The following SP140 variants were observed in gnomAD, a reference collection of about 807,000 sequenced individuals.
SP140 encodes SP140 nuclear body protein.
SP140 carries 81 observed loss-of-function variants against 125.0 expected under a neutral mutation model. The observed-to-expected ratio is 0.65, with a 90% CI of 0.54 to 0.78. SP140 has a LOEUF of 0.78. Among genes scored for constraint, SP140 ranks in the 30% least tolerant of loss-of-function variants. The probability of loss-of-function intolerance (pLI) is 0.00; values close to 1 mark genes in which losing one functional copy is unlikely to be tolerated. For missense variants in SP140, 858 were observed against 1,037.0 expected (o/e 0.83, Z 2.37); for synonymous variants, 312 against 354.0 (o/e 0.88, Z 1.33).
intron 1 of SP140, among the ~76,000 whole-genome samples, chr2:230,210,488 T>C (rs1026539457): frequency 6.6e-6 from 1 of 152,246 alleles, no homozygotes; most frequent in African/African-American, 2.4e-5. Flanking sequence ...TTGACGTCTA[T>C]GTGTGGATAT....
At chr2:230,225,213 A>G, upstream of SP140, among the ~76,000 whole-genome samples, 1 of 152,164 alleles carries the variant, frequency 6.6e-6, no homozygotes, top group South Asian at 2.1e-4. Flanking sequence ...AAAACTTAGA[A>G]TTGCACCTCA....
chr2:230,312,727 A>C lies in SP140; in HGVS notation c.*43A>C. On this transcript the variant is annotated 3_prime_UTR_variant, in exon 27 of 27. Coordinates refer to ENST00000392045, the MANE Select transcript of SP140 (RefSeq NM_007237.5). ...GAAAGCATTCAGCAAATGGCACCCT[A>C]AAATATGCCGCTGGTTTGCCACTGA... 1.4e-6 allele frequency: 2 copies of C among 1,422,810 alleles called. No individual in the cohort carries two copies. The highest frequency in any genetic ancestry group is 1.2e-5 in the South Asian group (1 of 86,842). 88.1% of individuals were successfully genotyped at this position (1,422,810 alleles called of 1,614,324 possible). A position where few individuals can be genotyped will look rare whatever the true frequency, so the allele number is the denominator to read the frequency against.
the SP140 span, among the ~76,000 whole-genome samples, chr2:230,186,985 T>C: frequency 4.6e-5 from 7 of 152,190 alleles, no homozygotes; most frequent in Non-Finnish European, 1.0e-4. Flanking sequence ...GTCTTCTTGA[T>C]ATAATGACTT....
upstream of SP140, among the ~76,000 whole-genome samples, chr2:230,224,601 T>G (rs983478938): frequency 2.0e-5 from 3 of 152,098 alleles, no homozygotes; most frequent in Admixed American, 6.5e-5. Context: ...ACCAGATTGG[T>G]GTTTGTTCCT....
At chr2:230,255,310 A>C in intron 11 of SP140, 142 bp from the exon 12 acceptor site, 1 of 853,954 alleles carries the variant, frequency 1.2e-6, no homozygotes, top group Non-Finnish European at 1.9e-6. Context: ...GTGAACCCAC[A>C]GGGCAGACCA....
intron 5 of SP140, among the ~76,000 whole-genome samples, chr2:230,244,708 GA>G (rs1559241416): frequency 6.6e-6 from 1 of 152,092 alleles, no homozygotes; most frequent in Non-Finnish European, 1.5e-5. Flanking sequence ...CAACAGAAAA[GA>G]AAAAGAGAGG....
intron 1 of SP140, among the ~76,000 whole-genome samples, chr2:230,228,138 A>T (rs534348776): frequency 2.6e-4 from 40 of 152,282 alleles, no homozygotes; most frequent in African/African-American, 9.6e-4. Context: ...TATTTTTAAA[A>T]TTCTTTTAGG....
intron 18 of SP140, 195 bp downstream of exon 18, chr2:230,288,161 A>G: frequency 5.7e-6 from 3 of 522,230 alleles, no homozygotes; most frequent in African/African-American, 1.9e-5. Context: ...ATGGATCTAC[A>G]ACCAGATCCC....
the SP140 span, among the ~76,000 whole-genome samples, chr2:230,198,045 T>C: frequency 2.6e-5 from 4 of 152,216 alleles, no homozygotes; most frequent in South Asian, 8.3e-4. Context: ...GAAACCAAAT[T>C]TTGGTGGTTT....
Position 230,237,416 on chromosome 2 carries a change from C to A in SP140, c.237+156C>A, listed in dbSNP as rs563680642. ...CAGGAGAAGCAGGCATCACAGAAAACCTCCCTTCTTCTGTAGTAAATGTTG... is the reference window on the plus strand; with the variant it reads ...CAGGAGAAGCAGGCATCACAGAAAAACTCCCTTCTTCTGTAGTAAATGTTG... On this transcript the variant is annotated intron_variant, in intron 2 of 26. Transcript: ENST00000392045. The surrounding 1 kb of genome is among the most constrained non-coding windows in gnomAD (Gnocchi z 5.4). The A allele has an allele frequency of 1.9e-3, 1,174 of 618,806 alleles. 2 individuals carry two copies. The highest frequency in any genetic ancestry group is 2.4e-3 in the Non-Finnish European group (895 of 365,796). 38.3% of individuals were successfully genotyped at this position (618,806 alleles called of 1,614,324 possible).
upstream of SP140, among the ~76,000 whole-genome samples, chr2:230,223,039 C>CTTT (rs34477714): frequency 7.3e-6 from 1 of 136,774 alleles, no homozygotes; most frequent in Non-Finnish European, 1.6e-5. Flanking sequence ...ATCAGTCTGA[C>CTTT]TTTTTTTTTT....
At position 230,255,446 on chromosome 2, in the gene SP140, C is replaced by A. The variant is rs2051017343; in HGVS notation, c.1160-6C>A. Reference sequence around the variant, plus strand: ...GACCTCTGAGGGATTTCCTTCCTTTCTGCAGAGGGCAGTGATGACTGTTCG... The same window carrying A: ...GACCTCTGAGGGATTTCCTTCCTTTATGCAGAGGGCAGTGATGACTGTTCG... On this transcript the variant is annotated splice_region_variant and splice_polypyrimidine_tract_variant and intron_variant, in intron 11 of 26. Coordinates refer to ENST00000392045, the MANE Select transcript of SP140 (RefSeq NM_007237.5). 2 of 1,613,924 alleles carry A rather than the reference C, an allele frequency of 1.2e-6. No individual in the cohort carries two copies. The highest frequency in any genetic ancestry group is 1.7e-6 in the Non-Finnish European group (2 of 1,179,864).
chr2:230,225,816 C>A lies in SP140; in HGVS notation c.-29C>A, dbSNP rs1334251731. 2 of 1,604,626 alleles carry A rather than the reference C, an allele frequency of 1.2e-6. No individual in the cohort carries two copies. The highest frequency in any genetic ancestry group is 1.3e-5 in the African/African-American group (1 of 74,738). ...CAGGAAGGAACGGGGCAGTGAAAAT[C>A]GAATCGGGTGTGATCCTAGGCCAAG... is the stretch of plus-strand genomic sequence containing the variant. On this transcript the variant is annotated 5_prime_UTR_variant, in exon 1 of 27. Transcript: ENST00000392045.
chr2:230,223,585 GTTGAATTATAGGCAAGAGA>G (rs1459988483), upstream of SP140, among the ~76,000 whole-genome samples: 1 of 152,180 alleles, frequency 6.6e-6, no homozygotes, highest in African/African-American at 2.4e-5. Flanking sequence ...GGCACCAGAG[GTTGAATTATAGGCAAGAGA>G]TATTCAAGGA....
intron 1 of SP140, among the ~76,000 whole-genome samples, chr2:230,205,045 G>A (rs562246278): frequency 4.6e-5 from 7 of 152,254 alleles, no homozygotes; most frequent in Non-Finnish European, 8.8e-5. Flanking sequence ...TAAGGACAGT[G>A]AACATTACCC....
chr2:230,223,734 A>G (rs1449873655), upstream of SP140, among the ~76,000 whole-genome samples: 1 of 152,236 alleles, frequency 6.6e-6, no homozygotes, highest in Non-Finnish European at 1.5e-5. Context: ...AAGTTGGCAA[A>G]TTAAATTACA....
chr2:230,222,117 C>G (rs2045872273), upstream of SP140, among the ~76,000 whole-genome samples: 1 of 151,928 alleles, frequency 6.6e-6, no homozygotes, highest in South Asian at 2.1e-4. Flanking sequence ...GTAATCCGAG[C>G]TACTCGGGAG....
At chr2:230,197,987 G>A in the SP140 span, among the ~76,000 whole-genome samples, 2 of 152,150 alleles carry the variant, frequency 1.3e-5, no homozygotes, top group Non-Finnish European at 2.9e-5. Context: ...ATTTTATTAG[G>A]AATATTGTAT....
At chr2:230,297,367 A>G in intron 21 of SP140, 54 bp from the exon 22 acceptor site, 1 of 1,568,520 alleles carries the variant, frequency 6.4e-7, no homozygotes, top group Non-Finnish European at 8.8e-7. Flanking sequence ...AATAAGTGAT[A>G]GATGGAAACA....
Sources: allele counts gnomAD v4.1 joint callset (sites outside exome capture counted in the v4.1 genomes callset), GRCh38; gene constraint gnomAD v4.1.1; non-coding constraint Gnocchi (gnomAD v3.1); transcripts MANE v1.5; gene names NCBI Gene and HGNC (gene_info 2026-07-23, HGNC 2026-07-21).